The following C3orf38 variants were observed in gnomAD, a reference collection of about 807,000 sequenced individuals.
C3orf38 encodes uncharacterized protein C3orf38.
Under a neutral mutation model 28.3 loss-of-function variants are expected in C3orf38, and 18 were observed. The observed-to-expected ratio is 0.64, with a 90% CI of 0.44 to 0.94. The LOEUF (loss-of-function observed/expected upper bound fraction) is 0.94, where lower values mean the gene tolerates loss of function less well. Among genes scored for constraint, C3orf38 ranks in the 40% least tolerant of loss-of-function variants. The probability of loss-of-function intolerance (pLI) is 0.00; values close to 1 mark genes in which losing one functional copy is unlikely to be tolerated. For missense variants in C3orf38, 364 were observed against 396.4 expected, an observed-to-expected ratio of 0.92 and a Z score of 0.69; for synonymous variants, 145 against 138.1, an observed-to-expected ratio of 1.05 and a Z score of -0.35.
chr3:88,150,049 G>A lies in C3orf38; in HGVS notation c.-4G>A, dbSNP rs1379513794. ...GCCGTTGTCTTTCCCCCCCAGTCCC[G>A]GGGATGGAGATGTCGGGACTCAGCT... On this transcript the variant is annotated 5_prime_UTR_variant, in exon 1 of 3. Coordinates refer to ENST00000318887, the MANE Select transcript of C3orf38 (RefSeq NM_173824.4). 2 of 1,613,284 alleles carry A rather than the reference G, an allele frequency of 1.2e-6. No homozygotes were observed. Among genetic ancestry groups the A allele is most frequent in the African/African-American group, 1.3e-5 (1 of 74,784 alleles).
chr3:88,153,528 A>T, intron 2 of C3orf38, 57 bp downstream of exon 2: 1 of 1,561,854 alleles, frequency 6.4e-7, no homozygotes, highest in Non-Finnish European at 8.7e-7. Context: ...AACTTTGTTG[A>T]TAATCCTAGA....
intron 1 of C3orf38, among the ~76,000 whole-genome samples, chr3:88,152,811 C>T (rs1194889433): frequency 1.3e-5 from 2 of 151,044 alleles, no homozygotes; most frequent in Non-Finnish European, 2.9e-5. Context: ...CCTCAACTTT[C>T]ATTATCTGTA....
At chr3:88,154,375 C>CTT (rs35471442) in intron 2 of C3orf38, among the ~76,000 whole-genome samples, 46 of 145,942 alleles carry the variant, frequency 3.2e-4, no homozygotes, top group South Asian at 6.5e-4. Context: ...ATTTTTTATA[C>CTT]TTTTTTTTTT....
At chr3:88,155,673 G>C (rs976581337) in intron 2 of C3orf38, among the ~76,000 whole-genome samples, 2 of 151,728 alleles carry the variant, frequency 1.3e-5, no homozygotes, top group Non-Finnish European at 2.9e-5. Flanking sequence ...TGGCCAGGCT[G>C]GTCTCAAACT....
In C3orf38 at chr3:88,153,578, T is replaced by A. The variant is rs545048577; in HGVS notation, c.375+107T>A. 7.9e-4 allele frequency: 1,044 copies of A among 1,319,070 alleles called. 3 individuals are homozygous for A. The highest frequency in any genetic ancestry group is 9.9e-4 in the Non-Finnish European group (966 of 974,948). The allele number at this position is 1,319,070 out of a possible 1,614,324, so 81.7% of individuals were successfully genotyped here. ...GTTAATAATGTTTGTGGGGTTTTTTTATTTTTATTTTTTAAGAGATTCTTG... is the reference window on the plus strand; with the variant it reads ...GTTAATAATGTTTGTGGGGTTTTTTAATTTTTATTTTTTAAGAGATTCTTG... On this transcript the variant is annotated intron_variant, in intron 2 of 2. Coordinates refer to ENST00000318887, the MANE Select transcript of C3orf38 (RefSeq NM_173824.4).
intron 1 of C3orf38, 40 bp downstream of exon 1, chr3:88,150,225 C>A (rs555234236): frequency 6.2e-7 from 1 of 1,608,964 alleles, no homozygotes; most frequent in Non-Finnish European, 8.5e-7. Flanking sequence ...GCCGCCCCTT[C>A]CCCGGCCTCA....
At chr3:88,153,568 G>A in intron 2 of C3orf38, 97 bp downstream of exon 2, 1 of 1,401,436 alleles carries the variant, frequency 7.1e-7, no homozygotes, top group Admixed American at 2.4e-5. Flanking sequence ...TAATGTTTGT[G>A]GGGTTTTTTT....
intron 1 of C3orf38, among the ~76,000 whole-genome samples, chr3:88,152,637 C>G (rs1707430251): frequency 6.6e-6 from 1 of 151,724 alleles, no homozygotes; most frequent in African/African-American, 2.4e-5. Context: ...CGCCTGTAGT[C>G]CCAGCTACCT....
In C3orf38 at chr3:88,156,697, G is replaced by T. The variant is rs1242077119; in HGVS notation, c.*62G>T. On this transcript the variant is annotated 3_prime_UTR_variant, in exon 3 of 3. Transcript: ENST00000318887. ...CTGGGTTTACCTGACCCTCTAAAGC[G>T]CTAAGTACTGTCAGCCTGAAAAAAA... 6.6e-7 allele frequency: 1 copy of T among 1,515,962 alleles called. No homozygotes were observed. Among genetic ancestry groups the T allele is most frequent in the Non-Finnish European group, 8.9e-7 (1 of 1,129,166 alleles). The allele number at this position is 1,515,962 out of a possible 1,614,324, so 93.9% of individuals were successfully genotyped here.
In C3orf38 at chr3:88,156,863, G is replaced by T. The variant is rs763630589; in HGVS notation, c.*228G>T. ...TGTGAATACTTACCTATTTCTACCC[G>T]AGTTGCAGCAAGTATTCTGAAAGCT... On this transcript the variant is annotated 3_prime_UTR_variant, in exon 3 of 3. Coordinates refer to ENST00000318887, the MANE Select transcript of C3orf38 (RefSeq NM_173824.4). 2.2e-6 allele frequency: 1 copy of T among 446,644 alleles called. No individual in the cohort carries two copies. The highest frequency in any genetic ancestry group is 3.9e-6 in the Non-Finnish European group (1 of 256,024). 27.7% of individuals were successfully genotyped at this position (446,644 alleles called of 1,614,324 possible). A position where few individuals can be genotyped will look rare whatever the true frequency, so the allele number is the denominator to read the frequency against.
rs940059549 is a variant in C3orf38 at position 88,153,239 on chromosome 3, A to C, written c.143A>C (p.His48Pro). 1 of 1,608,954 alleles carries C rather than the reference A, an allele frequency of 6.2e-7. No homozygotes were observed. The highest frequency in any genetic ancestry group is 8.5e-7 in the Non-Finnish European group (1 of 1,178,608). The change falls in exon 2 of 3, where the codon CAT (histidine) becomes CCT (proline). Residue 48 changes from histidine (H) to proline (P), a missense_variant. Coordinates refer to ENST00000318887, the MANE Select transcript of C3orf38 (RefSeq NM_173824.4). ...VQPQDRQDAV[H>P]AILAYSQSAE... ...TGCAATTTCTTTCTAGATGCTGTTC[A>C]TGCAATATTAGCATACAGTCAAAGT...
In C3orf38 at chr3:88,156,313, A is replaced by C. The variant is rs763738184; in HGVS notation, c.668A>C (p.Lys223Thr). Reference sequence around the variant, plus strand: ...CCCAACCTAGATTCACATGGACTGAAATGTGCATCTTCTCCTCATGGGCTG... The same window carrying C: ...CCCAACCTAGATTCACATGGACTGACATGTGCATCTTCTCCTCATGGGCTG... ...LSPNLDSHGL[K>T]CASSPHGLVM... The change falls in exon 3 of 3, where the codon AAA (lysine) becomes ACA (threonine). Residue 223 changes from lysine (K) to threonine (T), a missense_variant. Physicochemically the swap from Lys to Thr is moderately conservative, Grantham distance 78. Transcript: ENST00000318887. 6 of 1,614,062 alleles carry C rather than the reference A, an allele frequency of 3.7e-6. No individual in the cohort carries two copies. In the East Asian group the frequency reaches 1.1e-4, roughly 30 times the overall value.
At chr3:88,154,096 AT>A (rs1004562818) in intron 2 of C3orf38, among the ~76,000 whole-genome samples, 4 of 151,826 alleles carry the variant, frequency 2.6e-5, no homozygotes, top group African/African-American at 9.7e-5. Context: ...GCTCCGTGTA[AT>A]TTTTTTTCAC....
rs556609782 is a variant in C3orf38, at chr3:88,150,160, C to T, written c.108C>T (p.Arg36=). 2.8e-5 allele frequency: 46 copies of T among 1,614,158 alleles called. No individual in the cohort carries two copies. In the South Asian group the frequency reaches 5.1e-4, roughly 18 times the overall value. The part of the protein sequence containing the change: ...IMALCDTVTN[R]LVQPQDRQDA... ...CCCTATGCGACACTGTCACCAACCG[C>T]CTGGTGCAGCCTCAGGACCGCCAAG... The change falls in exon 1 of 3, where the codon CGC becomes CGT. Residue 36 remains arginine (R), a synonymous_variant. Coordinates refer to ENST00000318887, the MANE Select transcript of C3orf38 (RefSeq NM_173824.4).
chr3:88,156,486 C>T lies in C3orf38; in HGVS notation c.841C>T (p.Leu281Phe). ...INLKIMGESSLAPGTLPKPSV... is the reference protein window; with the variant it reads ...INLKIMGESSFAPGTLPKPSV... ...CCTGAAAATTATGGGAGAGAGTTCCCTTGCTCCTGGAACATTACCGAAACC... is the reference window on the plus strand; with the variant it reads ...CCTGAAAATTATGGGAGAGAGTTCCTTTGCTCCTGGAACATTACCGAAACC... Residue 281 changes from leucine (L) to phenylalanine (F), a missense_variant, in exon 3 of 3, where the codon CTT (leucine) becomes TTT (phenylalanine). Coordinates refer to ENST00000318887, the MANE Select transcript of C3orf38 (RefSeq NM_173824.4). The T allele has an allele frequency of 6.2e-7, 1 of 1,614,128 alleles. No homozygotes were observed. The highest frequency in any genetic ancestry group is 1.1e-5 in the South Asian group (1 of 91,074).
Position 88,156,332 on chromosome 3 carries a change from T to C in C3orf38, c.687T>C (p.His229=). 1 of 1,614,224 alleles carries C rather than the reference T, an allele frequency of 6.2e-7. No homozygotes were observed. The highest frequency in any genetic ancestry group is 8.5e-7 in the Non-Finnish European group (1 of 1,180,036). The stretch of plus-strand genomic sequence containing the variant: ...GACTGAAATGTGCATCTTCTCCTCA[T>C]GGGCTGGTTATGGTTGGAGTTGCTG... ...SHGLKCASSP[H]GLVMVGVAGT... is the part of the protein sequence containing the mutation. The change falls in exon 3 of 3, where the codon CAT becomes CAC. Residue 229 remains histidine (H), a synonymous_variant. Coordinates refer to ENST00000318887, the MANE Select transcript of C3orf38 (RefSeq NM_173824.4).
At chr3:88,153,617 G>C (rs944912250) in intron 2 of C3orf38, 146 bp downstream of exon 2, 35 of 995,884 alleles carry the variant, frequency 3.5e-5, no homozygotes, top group Non-Finnish European at 5.0e-5. Context: ...TGTTGCCCAG[G>C]CTGGAGTGCA....
rs775890059 is a variant in C3orf38 at position 88,156,123 on chromosome 3, C to G, written c.478C>G (p.Leu160Val). The stretch of plus-strand genomic sequence containing the variant: ...ACTTCTTAATTCTCAGAATCCTTTT[C>G]TAGGACCACCTCAAGATGAATGGGG... ...FGLLNSQNPF[L>V]GPPQDEWGPQ... The change falls in exon 3 of 3, where the codon CTA (leucine) becomes GTA (valine). Residue 160 changes from leucine (L) to valine (V), a missense_variant. Physicochemically the swap from Leu to Val is conservative, Grantham distance 32. Transcript: ENST00000318887. 4.3e-6 allele frequency: 7 copies of G among 1,611,792 alleles called. No individual in the cohort carries two copies. In the Admixed American group the frequency reaches 1.0e-4, roughly 23 times the overall value.
In C3orf38 at chr3:88,157,421, G is replaced by A. The variant is rs1489012194; in HGVS notation, c.*786G>A. The A allele has an allele frequency of 6.6e-6, 1 of 152,096 alleles. No individual in the cohort carries two copies. Among genetic ancestry groups the A allele is most frequent in the East Asian group, 1.9e-4 (1 of 5,194 alleles). The allele number at this position is 152,096 out of a possible 1,614,324, so 9.4% of individuals were successfully genotyped here. A position where few individuals can be genotyped will look rare whatever the true frequency, so the allele number is the denominator to read the frequency against. On this transcript the variant is annotated 3_prime_UTR_variant, in exon 3 of 3. Coordinates refer to ENST00000318887, the MANE Select transcript of C3orf38 (RefSeq NM_173824.4). The stretch of plus-strand genomic sequence containing the variant: ...AGCAGTTACTGTAATACAATATAAA[G>A]GAAATATGCTGTTGAAATTTTAAAG...
Sources: gnomAD v4.1 joint callset for allele counts (sites outside exome capture counted in the v4.1 genomes callset) on GRCh38, gnomAD v4.1.1 for gene constraint, MANE v1.5 for transcripts, NCBI Gene and HGNC (gene_info 2026-07-23, HGNC 2026-07-21) for gene names.